Variants in METTL15 observed in about 807,000 individuals in gnomAD.
METTL15 encodes 12S rRNA N(4)-cytidine methyltransferase METTL15.
In METTL15, 34 loss-of-function variants were observed where a neutral mutation model predicts 38.3. The ratio of observed to expected loss-of-function variants is 0.89; its 90% CI spans 0.68 to 1.18. The LOEUF is 1.18. Ranked by LOEUF, METTL15 falls within the 50% of genes most tolerant of loss-of-function variation. METTL15 has a pLI of 0.00. For missense variants in METTL15, 438 were observed against 498.4 expected (o/e 0.88, Z 1.15); for synonymous variants, 162 against 170.9 (o/e 0.95, Z 0.41).
chr11:28,327,826 A>G (rs996999420), intron 6 of METTL15: 12 of 298,296 alleles, frequency 4.0e-5, no homozygotes, highest in Non-Finnish European at 6.1e-5. Context: ...TAATTTTACA[A>G]AACACATTTA....
intron 3 of METTL15, among the ~76,000 whole-genome samples, chr11:28,351,103 A>G (rs1387482956): frequency 1.1e-5 from 1 of 89,596 alleles, no homozygotes; most frequent in Non-Finnish European, 2.1e-5. Flanking sequence ...GCTTAAAGCT[A>G]TGAATTTAAA....
intron 4 of METTL15, among the ~76,000 whole-genome samples, chr11:28,226,141 A>G (rs1853467250): frequency 6.6e-6 from 1 of 151,878 alleles, no homozygotes; most frequent in African/African-American, 2.4e-5. Flanking sequence ...TGAACAGAGT[A>G]TATACATCAA....
At chr11:28,149,188 A>ATTTTTTTTTTTTTTTT (rs577799533) in intron 3 of METTL15, among the ~76,000 whole-genome samples, 1 of 136,752 alleles carries the variant, frequency 7.3e-6, no homozygotes. Context: ...TCATTTTCTG[A>ATTTTTTTTTTTTTTTT]TTTTTTTTTT....
At chr11:28,293,349 A>T (rs1337290758) in intron 5 of METTL15, among the ~76,000 whole-genome samples, 1 of 152,198 alleles carries the variant, frequency 6.6e-6, no homozygotes, top group Non-Finnish European at 1.5e-5. Flanking sequence ...CAGGTTTGTC[A>T]AAGATCAGAT....
At chr11:28,407,375 A>G (rs1850683372) in intron 5 of METTL15, among the ~76,000 whole-genome samples, 1 of 152,220 alleles carries the variant, frequency 6.6e-6, no homozygotes, top group Non-Finnish European at 1.5e-5. Flanking sequence ...GTGAATGGAC[A>G]ACCTGTGGAA....
At chr11:28,253,977 C>T (rs1257893965) in intron 4 of METTL15, among the ~76,000 whole-genome samples, 1 of 152,026 alleles carries the variant, frequency 6.6e-6, no homozygotes, top group Admixed American at 6.6e-5. Flanking sequence ...TACTGATTTC[C>T]TTTCTTTTGG....
chr11:28,527,930 A>G (rs1330590767), downstream of METTL15, among the ~76,000 whole-genome samples: 2 of 152,198 alleles, frequency 1.3e-5, no homozygotes, highest in Admixed American at 6.5e-5. Context: ...TGGAATAAAT[A>G]TTTTCAAACT....
intron 3 of METTL15, among the ~76,000 whole-genome samples, chr11:28,154,476 CT>C (rs1398915006): frequency 6.6e-6 from 1 of 151,926 alleles, no homozygotes; most frequent in Non-Finnish European, 1.5e-5. Context: ...TCTAGTTTAC[CT>C]TCTAGTTCTA....
At chr11:28,183,117 G>C (rs1232686401) in intron 3 of METTL15, among the ~76,000 whole-genome samples, 1 of 152,082 alleles carries the variant, frequency 6.6e-6, no homozygotes, top group Non-Finnish European at 1.5e-5. Flanking sequence ...TGTATCCTGA[G>C]ACTTTGCTGA....
chr11:28,125,012 G>A (rs776154358), intron 3 of METTL15, among the ~76,000 whole-genome samples: 4 of 152,040 alleles, frequency 2.6e-5, no homozygotes, highest in Non-Finnish European at 5.9e-5. Flanking sequence ...GAATGAAAAT[G>A]TAAGTAACTT....
At chr11:28,268,196 C>CAAAAAAAA (rs71050954) in intron 4 of METTL15, among the ~76,000 whole-genome samples, 7 of 64,124 alleles carry the variant, frequency 1.1e-4, no homozygotes, top group Admixed American at 5.1e-4. Flanking sequence ...GACTCCGTCT[C>CAAAAAAAA]AAAAAAAAAA....
At chr11:28,184,628 G>A (rs1158368271) in intron 3 of METTL15, among the ~76,000 whole-genome samples, 6 of 151,274 alleles carry the variant, frequency 4.0e-5, no homozygotes, top group African/African-American at 1.5e-4. Context: ...ACAGTACTTA[G>A]CTTACAATTA....
At chr11:28,198,497 A>G (rs148189667) in intron 3 of METTL15, among the ~76,000 whole-genome samples, 9 of 152,288 alleles carry the variant, frequency 5.9e-5, no homozygotes, top group African/African-American at 2.2e-4. Context: ...ATTAGGCAGA[A>G]TGAGTCATCA....
intron 5 of METTL15, among the ~76,000 whole-genome samples, chr11:28,405,782 A>G (rs1320974230): frequency 1.3e-5 from 2 of 152,162 alleles, no homozygotes; most frequent in African/African-American, 2.4e-5. Flanking sequence ...CTAAGCTCCC[A>G]TTTCAAATGA....
At chr11:28,175,798 T>C (rs1210409228) in intron 3 of METTL15, among the ~76,000 whole-genome samples, 3 of 152,182 alleles carry the variant, frequency 2.0e-5, no homozygotes, top group Non-Finnish European at 4.4e-5. Flanking sequence ...TCTTGGCCAC[T>C]ACTATCATTT....
intron 4 of METTL15, among the ~76,000 whole-genome samples, chr11:28,219,273 C>T (rs963771551): frequency 1.3e-5 from 2 of 152,064 alleles, no homozygotes; most frequent in Non-Finnish European, 2.9e-5. Context: ...CAACTTCTTC[C>T]TGGTTTAGTC....
At chr11:28,303,412 A>G (rs1301112042) in intron 6 of METTL15, among the ~76,000 whole-genome samples, 3 of 152,184 alleles carry the variant, frequency 2.0e-5, no homozygotes, top group Non-Finnish European at 2.9e-5. Flanking sequence ...TTAAAAATCA[A>G]AGAAGTATAC....
At chr11:28,248,174 T>C (rs952102674) in intron 4 of METTL15, among the ~76,000 whole-genome samples, 4 of 152,092 alleles carry the variant, frequency 2.6e-5, no homozygotes, top group African/African-American at 9.7e-5. Flanking sequence ...AATGATATGG[T>C]CCCTGTCTTT....
At chr11:28,427,590 G>A (rs915442856) in intron 6 of METTL15, among the ~76,000 whole-genome samples, 1 of 152,102 alleles carries the variant, frequency 6.6e-6, no homozygotes, top group Non-Finnish European at 1.5e-5. Flanking sequence ...CCATTTGTTT[G>A]TGTCCTCTCT....
Sources: gnomAD v4.1 joint callset for allele counts (sites outside exome capture counted in the v4.1 genomes callset) on GRCh38, gnomAD v4.1.1 for gene constraint, MANE v1.5 for transcripts, NCBI Gene and HGNC (gene_info 2026-07-23, HGNC 2026-07-21) for gene names.